The following NEMP2 variants were observed in gnomAD, a reference collection of about 807,000 sequenced individuals.
NEMP2 encodes the protein nuclear envelope integral membrane protein 2.
A neutral mutation model predicts 54.2 loss-of-function variants in NEMP2; 53 were observed. That is an observed-to-expected ratio of 0.98 (90% CI 0.78 to 1.23). NEMP2 has a LOEUF of 1.23. Among genes scored for constraint, NEMP2 ranks in the 50% most tolerant of loss-of-function variants. The pLI, the probability that NEMP2 is intolerant of heterozygous loss-of-function variation, is 0.00. For missense variants in NEMP2, 455 were observed against 511.3 expected (o/e 0.89, Z 1.06); for synonymous variants, 197 against 190.3 (o/e 1.04, Z -0.29).
the NEMP2 span, among the ~76,000 whole-genome samples, chr2:190,554,031 G>C: frequency 6.6e-6 from 1 of 152,184 alleles, no homozygotes; most frequent in Non-Finnish European, 1.5e-5. This position sits in a 1 kb window ranked among gnomAD's most constrained non-coding sequence, Gnocchi z 5.7. Context: ...AAGCAGGGTG[G>C]GGCATCGCCT....
the NEMP2 span, among the ~76,000 whole-genome samples, chr2:190,476,989 G>C: frequency 1.4e-5 from 2 of 145,810 alleles, no homozygotes; most frequent in Admixed American, 1.4e-4. Flanking sequence ...TCACTCATAG[G>C]TGGGAATTGA....
At chr2:190,437,808 A>T in the NEMP2 span, among the ~76,000 whole-genome samples, 1 of 152,146 alleles carries the variant, frequency 6.6e-6, no homozygotes, top group Non-Finnish European at 1.5e-5. This position sits in a 1 kb window ranked among gnomAD's most constrained non-coding sequence, Gnocchi z 5.9. Flanking sequence ...CACAGAAAAG[A>T]CCTATAGGCT....
the NEMP2 span, among the ~76,000 whole-genome samples, chr2:190,481,205 A>G: frequency 6.6e-6 from 1 of 152,266 alleles, no homozygotes; most frequent in Non-Finnish European, 1.5e-5. Flanking sequence ...ACCTGCTTAA[A>G]GGTATGCCAA....
chr2:190,430,784 G>C, the NEMP2 span, among the ~76,000 whole-genome samples: 3 of 151,532 alleles, frequency 2.0e-5, no homozygotes, highest in South Asian at 6.3e-4. Flanking sequence ...AGGGGCGGCC[G>C]GGCGGGCAGA....
Position 190,512,376 on chromosome 2 carries a change from G to A in NEMP2, c.954-1839C>T, listed in dbSNP as rs1690398875. On this transcript the variant is annotated intron_variant, in intron 7 of 8. Coordinates refer to ENST00000409150, the MANE Select transcript of NEMP2 (RefSeq NM_001142645.2). The surrounding 1 kb of genome is among the most constrained non-coding windows in gnomAD (Gnocchi z 4.5). ...AGGTGTTCAATAAGGATAATCAAAA[G>A]AGTAGTTACCATATACTATTAAAAT... Among the ~76,000 whole-genome samples the A allele has an allele frequency of 6.6e-6, 1 of 152,180 alleles. No individual in the cohort carries two copies. Among genetic ancestry groups the A allele is most frequent in the South Asian group, 2.1e-4 (1 of 4,828 alleles).
the NEMP2 span, chr2:190,477,148 T>C: frequency 3.9e-6 from 2 of 511,718 alleles, no homozygotes; most frequent in South Asian, 1.7e-4. Context: ...GGCACATGTA[T>C]ACATATGTAA....
rs907979763 is a variant in NEMP2 at position 190,530,195 on chromosome 2, C to T, written c.97+4364G>A. 6.6e-6 allele frequency among the ~76,000 whole-genome samples: 1 copy of T among 152,216 alleles called. No homozygotes were observed. The highest frequency in any genetic ancestry group is 1.5e-5 in the Non-Finnish European group (1 of 68,042). ...CATAGAAGGAAGGAGGTTGTCCTGA[C>T]TGTTCATGCCTATAGACACGCTAGT... On this transcript the variant is annotated intron_variant, in intron 1 of 8. Transcript: ENST00000409150. The surrounding 1 kb of genome is among the most constrained non-coding windows in gnomAD (Gnocchi z 4.6).
At chr2:190,436,139 C>G in the NEMP2 span, 1 of 1,614,182 alleles carries the variant, frequency 6.2e-7, no homozygotes. This position sits in a 1 kb window ranked among gnomAD's most constrained non-coding sequence, Gnocchi z 5.3. Flanking sequence ...GAACCACCTT[C>G]GAATGAAACA....
chr2:190,586,773 T>C, the NEMP2 span, among the ~76,000 whole-genome samples: 1 of 152,064 alleles, frequency 6.6e-6, no homozygotes, highest in Non-Finnish European at 1.5e-5. This position sits in a 1 kb window ranked among gnomAD's most constrained non-coding sequence, Gnocchi z 4.5. Context: ...TAGAAAAAAT[T>C]TTAAACACAT....
the NEMP2 span, among the ~76,000 whole-genome samples, chr2:190,447,306 A>T: frequency 6.6e-6 from 1 of 152,210 alleles, no homozygotes; most frequent in Non-Finnish European, 1.5e-5. The surrounding 1 kb of genome is among the most constrained non-coding windows in gnomAD (Gnocchi z 4.5). Context: ...TCTGTTAGAC[A>T]TGAGTGATTG....
At chr2:190,497,912 T>C in the NEMP2 span, 2 of 580,282 alleles carry the variant, frequency 3.4e-6, no homozygotes, top group Non-Finnish European at 5.8e-6. This position sits in a 1 kb window ranked among gnomAD's most constrained non-coding sequence, Gnocchi z 5.2. Flanking sequence ...ATAGAGAGAA[T>C]ATTCTGCCTT....
chr2:190,545,688 ATATTTT>A, the NEMP2 span, among the ~76,000 whole-genome samples: 1 of 152,326 alleles, frequency 6.6e-6, no homozygotes, highest in South Asian at 2.1e-4. Context: ...AAGAACTCAA[ATATTTT>A]TAAAAAGGGG....
the NEMP2 span, among the ~76,000 whole-genome samples, chr2:190,427,385 A>AT: frequency 6.6e-6 from 1 of 152,096 alleles, no homozygotes; most frequent in Non-Finnish European, 1.5e-5. Flanking sequence ...GGTTATGATC[A>AT]TTTTTTCTGT....
the NEMP2 span, among the ~76,000 whole-genome samples, chr2:190,645,120 T>C: frequency 2.6e-5 from 4 of 152,184 alleles, no homozygotes; most frequent in African/African-American, 9.7e-5. Flanking sequence ...GTTTTCAAAA[T>C]TTAAAACCAT....
At position 190,509,140 on chromosome 2, in the gene NEMP2, C is replaced by T. The variant is rs983463408; in HGVS notation, c.*49G>A. On this transcript the variant is annotated 3_prime_UTR_variant, in exon 9 of 9. Transcript: ENST00000409150. The surrounding 1 kb of genome is among the most constrained non-coding windows in gnomAD (Gnocchi z 6.1). ...TGCCTAACTTTAATAGAATCCCTGCCCTTTGCCCACTTCCTTGTCCAGAAT... is the reference window on the plus strand; with the variant it reads ...TGCCTAACTTTAATAGAATCCCTGCTCTTTGCCCACTTCCTTGTCCAGAAT... The T allele has an allele frequency of 3.2e-6, 5 of 1,547,548 alleles. No homozygotes were observed. Among genetic ancestry groups the T allele is most frequent in the Middle Eastern group, 1.7e-4 (1 of 5,982 alleles).
At chr2:190,500,393 G>T, downstream of NEMP2, 1 of 680,836 alleles carries the variant, frequency 1.5e-6, no homozygotes, top group Non-Finnish European at 2.4e-6. The surrounding 1 kb of genome is among the most constrained non-coding windows in gnomAD (Gnocchi z 5.3). Context: ...GTACATATTG[G>T]CAGGAAAAGG....
the NEMP2 span, among the ~76,000 whole-genome samples, chr2:190,548,073 A>G: frequency 6.6e-6 from 1 of 152,168 alleles, no homozygotes; most frequent in East Asian, 1.9e-4. Context: ...AAGACAGTGG[A>G]GCAAATAGAA....
At chr2:190,436,282 C>T in the NEMP2 span, 106 of 1,613,938 alleles carry the variant, frequency 6.6e-5, no homozygotes, top group Admixed American at 6.7e-5. The surrounding 1 kb of genome is among the most constrained non-coding windows in gnomAD (Gnocchi z 5.3). Context: ...CTATGGCTCT[C>T]TCTATCCCCT....
chr2:190,515,340 T>C (rs1331901840), intron 6 of NEMP2, among the ~76,000 whole-genome samples: 1 of 152,206 alleles, frequency 6.6e-6, no homozygotes, highest in South Asian at 2.1e-4. Flanking sequence ...ACAAGCTTGG[T>C]TTCTTTAGCA....
Sources: allele counts gnomAD v4.1 joint callset (sites outside exome capture counted in the v4.1 genomes callset), GRCh38; gene constraint gnomAD v4.1.1; non-coding constraint Gnocchi (gnomAD v3.1); transcripts MANE v1.5; gene names NCBI Gene and HGNC (gene_info 2026-07-23, HGNC 2026-07-21).